C6orf163: variants seen among roughly 807,000 people sequenced by gnomAD.
C6orf163 encodes the protein uncharacterized protein C6orf163.
Under a neutral mutation model 28.4 loss-of-function variants are expected in C6orf163, and 22 were observed. The ratio of observed to expected loss-of-function variants is 0.78; its 90% CI spans 0.55 to 1.11. The LOEUF is 1.11. Ranked by LOEUF, C6orf163 falls within the 50% of genes least tolerant of loss-of-function variation. The pLI is 0.00. For missense variants in C6orf163, 342 were observed against 389.1 expected, an observed-to-expected ratio of 0.88 and a Z score of 1.02; for synonymous variants, 110 against 123.6, an observed-to-expected ratio of 0.89 and a Z score of 0.73.
intron 3 of C6orf163, among the ~76,000 whole-genome samples, chr6:87,353,129 A>G (rs1018670845): frequency 2.0e-5 from 3 of 152,238 alleles, no homozygotes; most frequent in Non-Finnish European, 4.4e-5. Context: ...GTTTTATTAA[A>G]TCATTACATA....
Position 87,347,922 on chromosome 6 carries a change from G to A in C6orf163, c.149-890G>A, listed in dbSNP as rs112293554. The A allele has an allele frequency of 3.8e-3, 3,494 of 926,168 alleles. 86 individuals are homozygous for A. The African/African-American group carries it at 0.054, about 14-fold the overall frequency. 57.4% of individuals were successfully genotyped at this position (926,168 alleles called of 1,614,324 possible). ...TGTAATCCTAGCACTTTGGGAGGCCGAAGTGGGCAGATCACTTGAGGTCAA... is the reference window on the plus strand; with the variant it reads ...TGTAATCCTAGCACTTTGGGAGGCCAAAGTGGGCAGATCACTTGAGGTCAA... On this transcript the variant is annotated intron_variant, in intron 1 of 4. Coordinates refer to ENST00000388923, the MANE Select transcript of C6orf163 (RefSeq NM_001010868.3).
At chr6:87,359,503 A>T (rs1262390558) in intron 4 of C6orf163, among the ~76,000 whole-genome samples, 1 of 152,212 alleles carries the variant, frequency 6.6e-6, no homozygotes, top group East Asian at 1.9e-4. Flanking sequence ...GAAAATCAGA[A>T]CATAGGTTAC....
chr6:87,346,282 AC>A (rs1397789106), intron 1 of C6orf163, among the ~76,000 whole-genome samples: 3 of 152,154 alleles, frequency 2.0e-5, no homozygotes, highest in Non-Finnish European at 4.4e-5. Flanking sequence ...GGAAAAAAAA[AC>A]TAAAATGTAG....
chr6:87,364,987 C>A lies in C6orf163; in HGVS notation c.581C>A (p.Thr194Asn). Residue 194 changes from threonine to asparagine, a missense_variant, in exon 5 of 5, where the codon ACT (threonine) becomes AAT (asparagine). Thr to Asn is a moderately conservative substitution (Grantham distance 65). Coordinates refer to ENST00000388923, the MANE Select transcript of C6orf163 (RefSeq NM_001010868.3). ...AAAGCCGTGGAGGAAATTGTGAATA[C>A]TGGTGTCACAGTTATTAAGGATGAG... ...KSKAVEEIVNTGVTVIKDEKT... is the reference protein window; with the variant it reads ...KSKAVEEIVNNGVTVIKDEKT... 1 of 1,548,786 alleles carries A rather than the reference C, an allele frequency of 6.5e-7. No individual in the cohort carries two copies. Among genetic ancestry groups the A allele is most frequent in the East Asian group, 2.4e-5 (1 of 40,854 alleles).
chr6:87,348,873 C>T lies in C6orf163; in HGVS notation c.210C>T (p.His70=), dbSNP rs1260871391. 2.0e-6 allele frequency: 3 copies of T among 1,537,484 alleles called. No individual in the cohort carries two copies. Among genetic ancestry groups the T allele is most frequent in the East Asian group, 4.9e-5 (2 of 40,928 alleles). The change falls in exon 2 of 5, where the codon CAC becomes CAT. Residue 70 remains histidine, a synonymous_variant. Transcript: ENST00000388923. ...EQFQEDILRE[H]IAKAEAEVWA... ...TTCAAGAAGATATACTCAGAGAACA[C>T]ATTGCGAAAGCAGAAGCTGAAGTAT... is the stretch of plus-strand genomic sequence containing the variant.
chr6:87,362,855 C>T (rs1461296975), intron 4 of C6orf163, among the ~76,000 whole-genome samples: 1 of 152,062 alleles, frequency 6.6e-6, no homozygotes, highest in South Asian at 2.1e-4. Context: ...TATTAACAGC[C>T]ATACATTTGA....
chr6:87,353,652 C>T (rs971301130), intron 3 of C6orf163, among the ~76,000 whole-genome samples: 2 of 152,034 alleles, frequency 1.3e-5, no homozygotes, highest in African/African-American at 2.4e-5. Context: ...CAACCACCAC[C>T]CAGCAGTCTG....
intron 4 of C6orf163, among the ~76,000 whole-genome samples, chr6:87,361,699 A>T (rs2127935522): frequency 6.6e-6 from 1 of 152,338 alleles, no homozygotes; most frequent in African/African-American, 2.4e-5. Context: ...TATACACAGC[A>T]TCACTTCTAT....
intron 4 of C6orf163, among the ~76,000 whole-genome samples, chr6:87,358,809 A>G (rs1777543504): frequency 6.6e-6 from 1 of 152,056 alleles, no homozygotes; most frequent in Admixed American, 6.5e-5. Context: ...GTATCATCCT[A>G]CATATCTTCA....
At position 87,350,565 on chromosome 6, in the gene C6orf163, C is replaced by G. The variant is rs73488067; in HGVS notation, c.351+64C>G. Reference sequence around the variant, plus strand: ...TTACATTAGTAAAAAGAAAAGTTGGCAAGGGAATGAGAAAAAAATAATAAG... The same window carrying G: ...TTACATTAGTAAAAAGAAAAGTTGGGAAGGGAATGAGAAAAAAATAATAAG... On this transcript the variant is annotated intron_variant, in intron 3 of 4. Transcript: ENST00000388923. 2.9e-5 allele frequency: 27 copies of G among 939,056 alleles called. No homozygotes were observed. In the African/African-American group the frequency reaches 4.0e-4, roughly 14 times the overall value. The allele number at this position is 939,056 out of a possible 1,614,324, so 58.2% of individuals were successfully genotyped here. A position where few individuals can be genotyped will look rare whatever the true frequency, so the allele number is the denominator to read the frequency against.
Position 87,347,654 on chromosome 6 carries a change from G to A in C6orf163, c.149-1158G>A, listed in dbSNP as rs919023332. ...TTGCTAGTGACAGAAACATAACTCAGAATAGACTGCATGAAATGGAATTTC... is the reference window on the plus strand; with the variant it reads ...TTGCTAGTGACAGAAACATAACTCAAAATAGACTGCATGAAATGGAATTTC... On this transcript the variant is annotated intron_variant, in intron 1 of 4. Transcript: ENST00000388923. 5.1e-6 allele frequency: 5 copies of A among 985,018 alleles called. No homozygotes were observed. The African/African-American group carries it at 8.7e-5, about 17-fold the overall frequency. The allele number at this position is 985,018 out of a possible 1,614,324, so 61.0% of individuals were successfully genotyped here.
At chr6:87,345,970 G>T (rs1470513237) in intron 1 of C6orf163, among the ~76,000 whole-genome samples, 1 of 104,714 alleles carries the variant, frequency 9.5e-6, no homozygotes, top group Non-Finnish European at 2.2e-5. Context: ...ATGGGTAAAA[G>T]AAACTATATA....
Position 87,345,191 on chromosome 6 carries a change from G to A in C6orf163, c.92G>A (p.Arg31Gln), listed in dbSNP as rs890000167. ...GCCCCTTTTGGAAAAACCTTCAAACGGATCCATGAATACAAGCCACTTAAG... is the reference window on the plus strand; with the variant it reads ...GCCCCTTTTGGAAAAACCTTCAAACAGATCCATGAATACAAGCCACTTAAG... ...PPAPFGKTFK[R>Q]IHEYKPLKTR... The change falls in exon 1 of 5, where the codon CGG becomes CAG. Residue 31 changes from arginine to glutamine, a missense_variant. By Grantham distance (43) the Arg-to-Gln change is conservative. Coordinates refer to ENST00000388923, the MANE Select transcript of C6orf163 (RefSeq NM_001010868.3). The A allele has an allele frequency of 5.9e-6, 9 of 1,536,464 alleles. No individual in the cohort carries two copies. Among genetic ancestry groups the A allele is most frequent in the African/African-American group, 4.1e-5 (3 of 72,982 alleles).
intron 4 of C6orf163, among the ~76,000 whole-genome samples, chr6:87,359,765 T>C (rs973391326): frequency 1.3e-5 from 2 of 152,206 alleles, no homozygotes; most frequent in Non-Finnish European, 2.9e-5. Flanking sequence ...TCCTATAAAT[T>C]TGGACACACA....
intron 4 of C6orf163, among the ~76,000 whole-genome samples, chr6:87,364,663 C>G (rs1777621406): frequency 1.3e-5 from 2 of 152,192 alleles, no homozygotes; most frequent in South Asian, 4.1e-4. Context: ...CATTTTTAAG[C>G]ACAATGCATG....
intron 2 of C6orf163, among the ~76,000 whole-genome samples, chr6:87,350,175 G>C (rs969099055): frequency 1.3e-5 from 2 of 152,202 alleles, no homozygotes; most frequent in Non-Finnish European, 2.9e-5. Context: ...AAACAGCAAG[G>C]CTAGCTCTGG....
chr6:87,348,298 A>C, intron 1 of C6orf163: 2 of 985,516 alleles, frequency 2.0e-6, no homozygotes, highest in Non-Finnish European at 2.4e-6. Context: ...AAATTAGATC[A>C]TTGACAGAAA....
At chr6:87,360,942 AT>A (rs1777571645) in intron 4 of C6orf163, among the ~76,000 whole-genome samples, 1 of 152,100 alleles carries the variant, frequency 6.6e-6, no homozygotes, top group Admixed American at 6.6e-5. Flanking sequence ...CCTGGCTTCA[AT>A]TCCACAACTT....
chr6:87,353,543 T>C (rs1336486107), intron 3 of C6orf163, among the ~76,000 whole-genome samples: 6 of 151,918 alleles, frequency 3.9e-5, no homozygotes, highest in Non-Finnish European at 8.8e-5. Context: ...CCTTCTTCAA[T>C]AGATGTTTGC....
Sources: gnomAD v4.1 joint callset for allele counts (sites outside exome capture counted in the v4.1 genomes callset) on GRCh38, gnomAD v4.1.1 for gene constraint, MANE v1.5 for transcripts, NCBI Gene and HGNC (gene_info 2026-07-23, HGNC 2026-07-21) for gene names.